Variants in PCCA observed in about 807,000 individuals in gnomAD.
The protein encoded by PCCA is propionyl-CoA carboxylase alpha chain, mitochondrial.
A neutral mutation model predicts 101.3 loss-of-function variants in PCCA; 74 were observed. The ratio of observed to expected loss-of-function variants is 0.73; its 90% CI spans 0.61 to 0.89. The LOEUF is 0.89. Among genes scored for constraint, PCCA ranks in the 40% least tolerant of loss-of-function variants. The pLI, the probability that PCCA is intolerant of heterozygous loss-of-function variation, is 0.00. For synonymous variants in PCCA, 294 were observed against 313.6 expected (o/e 0.94, Z 0.66); for missense variants, 891 against 907.0 (o/e 0.98, Z 0.23).
At chr13:100,239,351 T>C (rs1019527980) in intron 8 of PCCA, among the ~76,000 whole-genome samples, 2 of 152,198 alleles carry the variant, frequency 1.3e-5, no homozygotes, top group African/African-American at 4.8e-5. Context: ...TCTAAACCAA[T>C]GGGATTAGAG....
intron 21 of PCCA, among the ~76,000 whole-genome samples, chr13:100,501,003 G>A (rs766723064): frequency 6.6e-6 from 1 of 152,094 alleles, no homozygotes; most frequent in Non-Finnish European, 1.5e-5. Context: ...TTAGCCGGGT[G>A]TGGTGGTGGG....
chr13:100,259,867 C>T lies in PCCA; in HGVS notation c.716+2194C>T, dbSNP rs186362146. ...CTAGCATCTAAAATATATCCAGGCA[C>T]AAAGTTCAGTAAATACTTATTGAAT... On this transcript the variant is annotated intron_variant, in intron 9 of 23. Transcript: ENST00000376285. Among the ~76,000 whole-genome samples the T allele has an allele frequency of 2.0e-3, 304 of 152,184 alleles. 1 individual carries two copies. Among genetic ancestry groups the T allele is most frequent in the Admixed American group, 0.018 (276 of 15,298 alleles).
intron 23 of PCCA, among the ~76,000 whole-genome samples, chr13:100,529,745 G>T (rs554685611): frequency 6.6e-6 from 1 of 152,336 alleles, no homozygotes; most frequent in African/African-American, 2.4e-5. Flanking sequence ...CAGAGAGGGA[G>T]GCTAGGGGTT....
At chr13:100,509,184 GC>G (rs570497236) in intron 21 of PCCA, among the ~76,000 whole-genome samples, 1 of 152,092 alleles carries the variant, frequency 6.6e-6, no homozygotes, top group Non-Finnish European at 1.5e-5. Flanking sequence ...ATGTGCACTT[GC>G]CAGTAGACGG....
intron 1 of PCCA, among the ~76,000 whole-genome samples, chr13:100,100,186 A>C (rs753398069): frequency 2.0e-5 from 3 of 152,200 alleles, no homozygotes; most frequent in Non-Finnish European, 4.4e-5. Context: ...GATTAGCTCA[A>C]TGACTCACAG....
In PCCA at chr13:100,157,330, C is replaced by G; in HGVS notation, c.458C>G (p.Ala153Gly). ...YGFLSENKEF[A>G]RCLAAEDVVF... The stretch of plus-strand genomic sequence containing the variant: ...TTCCTTTCAGAAAACAAAGAATTTG[C>G]CAGATGTTTGGTAAGTTGGTAATGA... The change falls in exon 6 of 24, where the codon GCC (alanine) becomes GGC (glycine). Residue 153 changes from alanine (A) to glycine (G), a missense_variant. Ala to Gly is a moderately conservative substitution (Grantham distance 60). Transcript: ENST00000376285. 6.2e-7 allele frequency: 1 copy of G among 1,608,644 alleles called. No homozygotes were observed. Among genetic ancestry groups the G allele is most frequent in the Non-Finnish European group, 8.5e-7 (1 of 1,175,378 alleles).
At position 100,525,544 on chromosome 13, in the gene PCCA, G is replaced by A. The variant is rs373567350; in HGVS notation, c.2041-2131G>A. 1.0e-3 allele frequency among the ~76,000 whole-genome samples: 154 copies of A among 152,360 alleles called. 1 individual carries two copies. Among genetic ancestry groups the A allele is most frequent in the South Asian group, 6.6e-3 (32 of 4,832 alleles). On this transcript the variant is annotated intron_variant, in intron 22 of 23. Transcript: ENST00000376285. The stretch of plus-strand genomic sequence containing the variant: ...GGTCAGGCTGGCCTTTGCCCCTAGC[G>A]TGACCTTGGGAAATCCCCAGGCCGC...
At chr13:100,443,260 G>A (rs1032362697) in intron 20 of PCCA, among the ~76,000 whole-genome samples, 1 of 152,048 alleles carries the variant, frequency 6.6e-6, no homozygotes. Context: ...CATCCAGCCT[G>A]GGCAACATAG....
chr13:100,245,503 C>T (rs17792266), intron 8 of PCCA, among the ~76,000 whole-genome samples: 5,645 of 152,198 alleles, frequency 0.037, 144 homozygotes, highest in Non-Finnish European at 0.06. Flanking sequence ...AATTCTCATT[C>T]GTCAGGTTGT....
intron 6 of PCCA, among the ~76,000 whole-genome samples, chr13:100,202,205 A>C (rs1347542313): frequency 6.6e-6 from 1 of 150,998 alleles, no homozygotes; most frequent in Non-Finnish European, 1.5e-5. Context: ...ACAGCAGTAC[A>C]CATCTGTAGG....
intron 21 of PCCA, among the ~76,000 whole-genome samples, chr13:100,467,910 G>T (rs1473594909): frequency 7.9e-5 from 12 of 152,142 alleles, no homozygotes; most frequent in Non-Finnish European, 5.9e-5. Flanking sequence ...AATTTACTTT[G>T]CCCAGATCCA....
At chr13:100,514,899 A>C (rs545842153) in intron 21 of PCCA, among the ~76,000 whole-genome samples, 1 of 152,244 alleles carries the variant, frequency 6.6e-6, no homozygotes, top group African/African-American at 2.4e-5. Context: ...CACTGAAAAA[A>C]TGGAATTTTA....
rs146257914 is a variant in PCCA at position 100,107,228 on chromosome 13, G to A, written c.183+4268G>A. 1.5e-3 allele frequency among the ~76,000 whole-genome samples: 229 copies of A among 152,246 alleles called. 2 individuals carry two copies. Among genetic ancestry groups the A allele is most frequent in the African/African-American group, 4.7e-3 (196 of 41,556 alleles). ...GTGAAATTTAATCATTACTGAAAAC[G>A]TTATTTTTTTTAACTTGAGTTTTAA... On this transcript the variant is annotated intron_variant, in intron 2 of 23. Transcript: ENST00000376285.
chr13:100,449,306 G>T lies in PCCA; in HGVS notation c.1899+1G>T. 1 of 1,507,240 alleles carries T rather than the reference G, an allele frequency of 6.6e-7. No homozygotes were observed. Among genetic ancestry groups the T allele is most frequent in the Non-Finnish European group, 9.0e-7 (1 of 1,107,366 alleles). 93.4% of individuals were successfully genotyped at this position (1,507,240 alleles called of 1,614,324 possible). The stretch of plus-strand genomic sequence containing the variant: ...GAGCATTCAGTTTCTTGGTACAGTG[G>T]TAAGTATGAAATCATTCTTTATTCT... On this transcript the variant is annotated splice_donor_variant, in intron 21 of 23. Transcript: ENST00000376285. LOFTEE classifies it high-confidence loss of function.
intron 6 of PCCA, among the ~76,000 whole-genome samples, chr13:100,182,829 A>C (rs2056922625): frequency 6.6e-6 from 1 of 152,116 alleles, no homozygotes; most frequent in South Asian, 2.1e-4. Context: ...TGATAGGTCT[A>C]GTTTGGGCCA....
chr13:100,224,804 C>T (rs1299566437), intron 7 of PCCA, among the ~76,000 whole-genome samples: 1 of 152,120 alleles, frequency 6.6e-6, no homozygotes, highest in African/African-American at 2.4e-5. Flanking sequence ...TGATGATGGA[C>T]ACAGCTCTAA....
chr13:100,287,929 A>AC (rs2064816324), intron 12 of PCCA, among the ~76,000 whole-genome samples: 3 of 152,106 alleles, frequency 2.0e-5, no homozygotes, highest in Admixed American at 6.5e-5. Context: ...TCAGATGCAA[A>AC]CCGTTTGATA....
In PCCA at chr13:100,520,836, T is replaced by G. The variant is rs536967699; in HGVS notation, c.2040+5269T>G. ...CAGTATATTAAATATTATAGGAGAG[T>G]CTTCTCCAAGCTTGGCGTTTGATTT... On this transcript the variant is annotated intron_variant, in intron 22 of 23. Coordinates refer to ENST00000376285, the MANE Select transcript of PCCA (RefSeq NM_000282.4). Among the ~76,000 whole-genome samples, 3 of 151,930 alleles carry G rather than the reference T, an allele frequency of 2.0e-5. No individual in the cohort carries two copies. In the South Asian group the frequency reaches 6.2e-4, roughly 32 times the overall value.
In PCCA at chr13:100,142,554, A is replaced by G. The variant is rs553335104; in HGVS notation, c.301-12425A>G. The stretch of plus-strand genomic sequence containing the variant: ...CAGTGGCATGATCTCGGCTCATGCA[A>G]CCTCCGCCTCCTGGGTTCAAGTGAT... On this transcript the variant is annotated intron_variant, in intron 4 of 23. Coordinates refer to ENST00000376285, the MANE Select transcript of PCCA (RefSeq NM_000282.4). 2.1e-4 allele frequency among the ~76,000 whole-genome samples: 31 copies of G among 150,888 alleles called. No homozygotes were observed. In the South Asian group the frequency reaches 6.3e-3, roughly 31 times the overall value.
Sources: gnomAD v4.1 joint callset for allele counts (sites outside exome capture counted in the v4.1 genomes callset) on GRCh38, gnomAD v4.1.1 for gene constraint, MANE v1.5 for transcripts, NCBI Gene and HGNC (gene_info 2026-07-23, HGNC 2026-07-21) for gene names.